Variants in PTPRD observed in about 807,000 individuals in gnomAD.
The protein encoded by PTPRD is protein tyrosine phosphatase receptor type D, also known as receptor-type tyrosine-protein phosphatase delta.
PTPRD carries 34 observed loss-of-function variants against 214.5 expected under a neutral mutation model. That is an observed-to-expected ratio of 0.16 (90% CI 0.12 to 0.21). PTPRD has a LOEUF of 0.21. PTPRD is among the 10% of genes least tolerant of loss of function. The pLI is 1.00. For missense variants in PTPRD, 2,545 were observed against 2,398.7 expected, an observed-to-expected ratio of 1.06 and a Z score of -1.27; for synonymous variants, 1,128 against 845.7, an observed-to-expected ratio of 1.33 and a Z score of -5.79.
chr9:10,356,317 C>CA (rs1043065177), intron 2 of PTPRD, among the ~76,000 whole-genome samples: 2 of 152,098 alleles, frequency 1.3e-5, no homozygotes, highest in African/African-American at 4.8e-5. Flanking sequence ...AAAGGTCAAT[C>CA]TGATGACTTT....
chr9:8,979,524 T>C (rs1260001413), intron 11 of PTPRD, among the ~76,000 whole-genome samples: 3 of 152,038 alleles, frequency 2.0e-5, no homozygotes, highest in Non-Finnish European at 2.9e-5. Context: ...TATAAAGAAC[T>C]CTTACAATGC....
At chr9:9,164,998 G>A (rs999926484) in intron 10 of PTPRD, among the ~76,000 whole-genome samples, 3 of 149,522 alleles carry the variant, frequency 2.0e-5, no homozygotes, top group Non-Finnish European at 3.0e-5. Flanking sequence ...GTTGCAGTGA[G>A]CTGAGATCAT....
intron 3 of PTPRD, among the ~76,000 whole-genome samples, chr9:10,128,197 T>C (rs2098833745): frequency 6.6e-6 from 1 of 152,140 alleles, no homozygotes; most frequent in African/African-American, 2.4e-5. Context: ...TGAGCTCTGC[T>C]ATAGGTTGAA....
chr9:10,367,916 T>C (rs2097543678), intron 2 of PTPRD, among the ~76,000 whole-genome samples: 1 of 151,930 alleles, frequency 6.6e-6, no homozygotes, highest in Non-Finnish European at 1.5e-5. Flanking sequence ...ATATTTCACT[T>C]ATTAGAGACA....
At chr9:10,346,857 G>A (rs1453352473) in intron 2 of PTPRD, among the ~76,000 whole-genome samples, 1 of 152,146 alleles carries the variant, frequency 6.6e-6, no homozygotes, top group African/African-American at 2.4e-5. Context: ...CTTACAGCAA[G>A]GGTCATAGCT....
chr9:8,651,554 T>A (rs2096809046), intron 12 of PTPRD, among the ~76,000 whole-genome samples: 1 of 152,164 alleles, frequency 6.6e-6, no homozygotes, highest in Non-Finnish European at 1.5e-5. Context: ...GTAATGTAGT[T>A]CTTTTGCTTT....
intron 21 of PTPRD, among the ~76,000 whole-genome samples, chr9:8,508,149 A>G (rs1437198772): frequency 1.3e-5 from 2 of 152,222 alleles, no homozygotes; most frequent in African/African-American, 4.8e-5. Context: ...AGTTTATAGG[A>G]TACACTTATC....
intron 45 of PTPRD, 67 bp from the exon 46 acceptor site, chr9:8,318,009 A>AAG: frequency 8.1e-6 from 12 of 1,472,668 alleles, no homozygotes; most frequent in African/African-American, 2.8e-5. Flanking sequence ...TAGAAAAATA[A>AAG]AAATCAATAT....
At chr9:8,365,380 C>G (rs1321889794) in intron 39 of PTPRD, among the ~76,000 whole-genome samples, 3 of 152,116 alleles carry the variant, frequency 2.0e-5, no homozygotes, top group South Asian at 2.1e-4. Context: ...TAATATTTTA[C>G]CAGAAGTAAT....
intron 7 of PTPRD, among the ~76,000 whole-genome samples, chr9:9,699,033 T>C (rs369249061): frequency 1.3e-5 from 2 of 152,196 alleles, no homozygotes; most frequent in Admixed American, 6.5e-5. Context: ...TACTATAAAA[T>C]GTTTTAATAT....
chr9:9,419,768 T>C (rs1422790554), intron 8 of PTPRD, among the ~76,000 whole-genome samples: 1 of 151,786 alleles, frequency 6.6e-6, no homozygotes. Flanking sequence ...AAGAAATTCA[T>C]TATAAAGATG....
intron 8 of PTPRD, among the ~76,000 whole-genome samples, chr9:9,499,569 T>A (rs894217760): frequency 4.6e-5 from 7 of 152,112 alleles, no homozygotes; most frequent in Non-Finnish European, 8.8e-5. Context: ...GCTGGTAAAG[T>A]TGGCTAATTT....
intron 3 of PTPRD, among the ~76,000 whole-genome samples, chr9:10,241,095 A>G (rs2090950075): frequency 6.6e-6 from 1 of 151,942 alleles, no homozygotes; most frequent in Non-Finnish European, 1.5e-5. Flanking sequence ...GCTCATAAAA[A>G]GATGCTCAAC....
rs538988333 is a variant in PTPRD at position 9,809,240 on chromosome 9, G to C, written c.-367-42389C>G. On this transcript the variant is annotated intron_variant, in intron 5 of 45. Coordinates refer to ENST00000381196, the MANE Select transcript of PTPRD (RefSeq NM_002839.4). ...TCATTTCAGCAGTGAACCTTCAGCA[G>C]ATAAAGGGCCTTAGCCACAAGAGAT... 8.0e-5 allele frequency among the ~76,000 whole-genome samples: 12 copies of C among 149,766 alleles called. No individual in the cohort carries two copies. The East Asian group carries it at 1.8e-3, about 22-fold the overall frequency.
intron 7 of PTPRD, among the ~76,000 whole-genome samples, chr9:9,607,315 G>T (rs964908841): frequency 6.6e-6 from 1 of 152,074 alleles, no homozygotes; most frequent in Non-Finnish European, 1.5e-5. Flanking sequence ...AATAATAAAC[G>T]CTTTTTAGAG....
chr9:9,530,615 A>T (rs1450110670), intron 8 of PTPRD, among the ~76,000 whole-genome samples: 1 of 152,234 alleles, frequency 6.6e-6, no homozygotes, highest in Non-Finnish European at 1.5e-5. Flanking sequence ...AAAGATACAG[A>T]ATTGACTAAA....
chr9:10,522,761 C>A (rs1408045024), intron 2 of PTPRD, among the ~76,000 whole-genome samples: 1 of 151,954 alleles, frequency 6.6e-6, no homozygotes, highest in Non-Finnish European at 1.5e-5. Context: ...ACTGAGGGTT[C>A]TTTCAGTCTG....
rs137875802 is a variant in PTPRD at position 8,666,271 on chromosome 9, G to C, written c.65-29427C>G. Among the ~76,000 whole-genome samples, 375 of 152,212 alleles carry C rather than the reference G, an allele frequency of 2.5e-3. 5 individuals carry two copies. In the East Asian group the frequency reaches 0.046, roughly 18 times the overall value. On this transcript the variant is annotated intron_variant, in intron 12 of 45. Coordinates refer to ENST00000381196, the MANE Select transcript of PTPRD (RefSeq NM_002839.4). ...AACCTACAACTAAAATGCTGATTAT[G>C]ATTCATTTCAAATATTTTAAGTGTT...
At chr9:9,111,862 G>T (rs1242542090) in intron 10 of PTPRD, among the ~76,000 whole-genome samples, 1 of 151,948 alleles carries the variant, frequency 6.6e-6, no homozygotes, top group Non-Finnish European at 1.5e-5. Context: ...TATTTCCACT[G>T]CATGATACAA....
Sources: allele counts gnomAD v4.1 joint callset (sites outside exome capture counted in the v4.1 genomes callset), GRCh38; gene constraint gnomAD v4.1.1; transcripts MANE v1.5; gene names NCBI Gene and HGNC (gene_info 2026-07-23, HGNC 2026-07-21).